PRKG2: variants seen among roughly 807,000 people sequenced by gnomAD.
The protein encoded by PRKG2 is cGMP-dependent protein kinase 2.
Under a neutral mutation model 97.2 loss-of-function variants are expected in PRKG2, and 33 were observed. The observed-to-expected ratio is 0.34, with a 90% CI of 0.26 to 0.45. The LOEUF is 0.45. Among genes scored for constraint, PRKG2 ranks in the 20% least tolerant of loss-of-function variants. PRKG2 has a pLI of 1.00. For synonymous variants in PRKG2, 330 were observed against 321.8 expected, an observed-to-expected ratio of 1.03 and a Z score of -0.27; for missense variants, 638 against 900.0, an observed-to-expected ratio of 0.71 and a Z score of 3.73.
chr4:81,143,947 G>A (rs961802332), intron 10 of PRKG2, among the ~76,000 whole-genome samples: 1 of 152,014 alleles, frequency 6.6e-6, no homozygotes, highest in African/African-American at 2.4e-5. Flanking sequence ...TAAGTCACCA[G>A]GCAACATAAA....
At chr4:81,217,300 G>A (rs1238824211), upstream of PRKG2, among the ~76,000 whole-genome samples, 3 of 152,154 alleles carry the variant, frequency 2.0e-5, no homozygotes, top group East Asian at 5.8e-4. Context: ...CACGCACACT[G>A]GGTCAACTGG....
chr4:81,108,477 GTTT>G (rs58784804), intron 15 of PRKG2, among the ~76,000 whole-genome samples: 1 of 138,774 alleles, frequency 7.2e-6, no homozygotes, highest in Admixed American at 7.3e-5. Context: ...AACACTATTG[GTTT>G]TTTTTTTTTT....
chr4:81,189,063 T>TA (rs1401411435), intron 2 of PRKG2, among the ~76,000 whole-genome samples: 28 of 6,408 alleles, frequency 4.4e-3, no homozygotes, highest in Non-Finnish European at 6.6e-3. Context: ...TTAAAAAAAA[T>TA]AATAAAAAAA....
At chr4:81,197,270 GA>G (rs898873598) in intron 2 of PRKG2, among the ~76,000 whole-genome samples, 4 of 149,648 alleles carry the variant, frequency 2.7e-5, no homozygotes, top group African/African-American at 4.9e-5. Context: ...TTTGAGAAAA[GA>G]AAAAAAAAGG....
chr4:81,188,326 C>T (rs1406383669), intron 2 of PRKG2, among the ~76,000 whole-genome samples: 1 of 149,370 alleles, frequency 6.7e-6, no homozygotes, highest in African/African-American at 2.6e-5. Context: ...CAATGAGATA[C>T]CATCTCACAT....
chr4:81,117,604 T>A (rs1744672438), intron 14 of PRKG2, among the ~76,000 whole-genome samples: 1 of 152,196 alleles, frequency 6.6e-6, no homozygotes, highest in South Asian at 2.1e-4. Context: ...GTTAAAATTC[T>A]CTCAGCGTCT....
intron 14 of PRKG2, among the ~76,000 whole-genome samples, chr4:81,128,452 A>T (rs950593181): frequency 6.6e-6 from 1 of 152,106 alleles, no homozygotes; most frequent in Admixed American, 6.6e-5. Flanking sequence ...CTGTGAATCC[A>T]TCTGGTCTTG....
chr4:81,128,278 T>G (rs1745809109), intron 14 of PRKG2, among the ~76,000 whole-genome samples: 1 of 152,192 alleles, frequency 6.6e-6, no homozygotes, highest in South Asian at 2.1e-4. Flanking sequence ...TCAGGGATAT[T>G]AGCCTGAAAT....
Position 81,112,790 on chromosome 4 carries a change from A to T in PRKG2, c.1777-2179T>A, listed in dbSNP as rs189085152. Among the ~76,000 whole-genome samples, 5 of 152,338 alleles carry T rather than the reference A, an allele frequency of 3.3e-5. No homozygotes were observed. In the East Asian group the frequency reaches 7.7e-4, roughly 23 times the overall value. On this transcript the variant is annotated intron_variant, in intron 14 of 18. Coordinates refer to ENST00000264399, the MANE Select transcript of PRKG2 (RefSeq NM_006259.3). Reference sequence around the variant, plus strand: ...ATATAGAAGGCCCCAAATCTTCTACATCAAGTTTTGTATATTTTCTATAAA... The same window carrying T: ...ATATAGAAGGCCCCAAATCTTCTACTTCAAGTTTTGTATATTTTCTATAAA...
chr4:81,204,866 T>C lies in PRKG2; in HGVS notation c.182A>G (p.Gln61Arg). 6.2e-7 allele frequency: 1 copy of C among 1,614,186 alleles called. No homozygotes were observed. The highest frequency in any genetic ancestry group is 1.1e-5 in the South Asian group (1 of 91,084). ...TGTGAGTTCAGCAATGGCCACAGTC[T>C]GCTTCGACAGCTGCTCCCGCAGCTC... ...LKELREQLSK[Q>R]TVAIAELTEE... The change falls in exon 2 of 19, where the codon CAG becomes CGG. Residue 61 changes from glutamine to arginine, a missense_variant. This residue lies in a region of PRKG2 where 332 missense variants were observed against 421.7 expected (regional missense o/e 0.79). Transcript: ENST00000264399.
chr4:81,150,860 C>G (rs964666096), intron 8 of PRKG2, among the ~76,000 whole-genome samples: 31 of 152,034 alleles, frequency 2.0e-4, no homozygotes, highest in African/African-American at 7.2e-4. Context: ...CAAATAAACA[C>G]AAAGAATATT....
At chr4:81,198,872 C>G (rs1753122968) in intron 2 of PRKG2, among the ~76,000 whole-genome samples, 1 of 152,134 alleles carries the variant, frequency 6.6e-6, no homozygotes, top group Non-Finnish European at 1.5e-5. Flanking sequence ...TTGTCTATCA[C>G]TATGAAATAT....
At chr4:81,199,013 G>T (rs906518897) in intron 2 of PRKG2, among the ~76,000 whole-genome samples, 3 of 151,974 alleles carry the variant, frequency 2.0e-5, no homozygotes, top group Non-Finnish European at 4.4e-5. Flanking sequence ...ATCCTATATA[G>T]ACAGCTTCAA....
chr4:81,121,972 T>A (rs902484556), intron 14 of PRKG2, among the ~76,000 whole-genome samples: 3 of 152,216 alleles, frequency 2.0e-5, no homozygotes, highest in Non-Finnish European at 1.5e-5. Flanking sequence ...ATTAAGTTGC[T>A]CTGTTAACAC....
chr4:81,193,632 G>A (rs1428063483), intron 2 of PRKG2, among the ~76,000 whole-genome samples: 1 of 152,162 alleles, frequency 6.6e-6, no homozygotes, highest in South Asian at 2.1e-4. Context: ...CTGAGGTCAG[G>A]AGTTCTAGAC....
intron 14 of PRKG2, among the ~76,000 whole-genome samples, chr4:81,130,669 T>G (rs1264148989): frequency 6.6e-6 from 1 of 152,200 alleles, no homozygotes; most frequent in Non-Finnish European, 1.5e-5. Flanking sequence ...CTGCTGCCTT[T>G]CTTTCACAGA....
chr4:81,102,123 G>C (rs560986303), intron 17 of PRKG2, among the ~76,000 whole-genome samples: 163 of 152,270 alleles, frequency 1.1e-3, no homozygotes, highest in African/African-American at 3.8e-3. Flanking sequence ...ATTACATATA[G>C]CAAAGACAAT....
intron 2 of PRKG2, among the ~76,000 whole-genome samples, chr4:81,199,758 A>G (rs984924): frequency 0.2 from 30,329 of 152,146 alleles, 5,709 homozygotes; most frequent in African/African-American, 0.48. Context: ...ACTGCTTTGG[A>G]AAGGAAGCAA....
At position 81,190,122 on chromosome 4, in the gene PRKG2, C is replaced by T. The variant is rs563002690; in HGVS notation, c.461+14465G>A. On this transcript the variant is annotated intron_variant, in intron 2 of 18. Coordinates refer to ENST00000264399, the MANE Select transcript of PRKG2 (RefSeq NM_006259.3). ...CAAAAAAGAGCCGGGATAGCCAAGA[C>T]AATCCTAAGCAAAAAGAACAAAACT... Among the ~76,000 whole-genome samples, 30 of 152,276 alleles carry T rather than the reference C, an allele frequency of 2.0e-4. No homozygotes were observed. The South Asian group carries it at 5.4e-3, about 27-fold the overall frequency.
Sources: allele counts gnomAD v4.1 joint callset (sites outside exome capture counted in the v4.1 genomes callset), GRCh38; gene constraint gnomAD v4.1.1; regional missense constraint gnomAD v4.1.1; transcripts MANE v1.5; gene names NCBI Gene and HGNC (gene_info 2026-07-23, HGNC 2026-07-21).